Variants in CDH13 observed in about 807,000 individuals in gnomAD.
The protein encoded by CDH13 is cadherin 13.
In CDH13, 24 loss-of-function variants were observed where a neutral mutation model predicts 63.8. The observed-to-expected ratio is 0.38, with a 90% CI of 0.27 to 0.53. The LOEUF (loss-of-function observed/expected upper bound fraction) is 0.53, where lower values mean the gene tolerates loss of function less well. CDH13 is among the 20% of genes least tolerant of loss of function. The pLI is 0.85. For missense variants in CDH13, 1,049 were observed against 903.1 expected (o/e 1.16, Z -2.07); for synonymous variants, 503 against 355.3 (o/e 1.42, Z -4.67).
intron 1 of CDH13, among the ~76,000 whole-genome samples, chr16:82,728,422 A>G (rs183196059): frequency 7.1e-6 from 1 of 140,954 alleles, no homozygotes; most frequent in Non-Finnish European, 1.5e-5. Context: ...TAAAGTGAAT[A>G]TTACAATAAA....
chr16:82,928,288 A>C (rs577381747), intron 2 of CDH13, among the ~76,000 whole-genome samples: 2 of 152,192 alleles, frequency 1.3e-5, no homozygotes, highest in Non-Finnish European at 2.9e-5. Flanking sequence ...ATTGATGGGC[A>C]TCCAGGTTGC....
chr16:83,384,488 G>A (rs2091633298), intron 6 of CDH13, among the ~76,000 whole-genome samples: 1 of 152,236 alleles, frequency 6.6e-6, no homozygotes, highest in African/African-American at 2.4e-5. Flanking sequence ...AATGCAAAGA[G>A]GCTTTCTGCA....
chr16:83,060,448 T>G (rs1360449574), intron 3 of CDH13, among the ~76,000 whole-genome samples: 2 of 152,198 alleles, frequency 1.3e-5, no homozygotes, highest in African/African-American at 4.8e-5. Context: ...CTGTAGAGTC[T>G]TCCTGATGTT....
intron 4 of CDH13, among the ~76,000 whole-genome samples, chr16:83,134,849 C>T (rs758121255): frequency 2.0e-5 from 3 of 152,158 alleles, no homozygotes; most frequent in Non-Finnish European, 4.4e-5. Flanking sequence ...AACTTCCCTC[C>T]ATGATCTACA....
chr16:83,648,181 G>A (rs1244628740), intron 8 of CDH13, among the ~76,000 whole-genome samples: 2 of 152,072 alleles, frequency 1.3e-5, no homozygotes, highest in Non-Finnish European at 2.9e-5. Flanking sequence ...AATAAAACAC[G>A]GATGTTTCAT....
chr16:82,924,837 T>G (rs9319579), intron 2 of CDH13, among the ~76,000 whole-genome samples: 51,385 of 152,042 alleles, frequency 0.34, 10,564 homozygotes, highest in Non-Finnish European at 0.47. Context: ...GGCACAAACT[T>G]TCTCAGATGT....
chr16:83,450,370 C>T (rs1259765997), intron 6 of CDH13, among the ~76,000 whole-genome samples: 1 of 152,170 alleles, frequency 6.6e-6, no homozygotes, highest in Non-Finnish European at 1.5e-5. Context: ...CTCAGTCCCT[C>T]TGAGACTCTG....
chr16:83,102,907 CTTTCTT>C (rs1202884376), intron 3 of CDH13, among the ~76,000 whole-genome samples: 1 of 80,658 alleles, frequency 1.2e-5, no homozygotes, highest in Admixed American at 1.2e-4. Context: ...GCTAATTAAA[CTTTCTT>C]TTTTTTTTTT....
At chr16:83,553,398 C>G (rs913349672) in intron 7 of CDH13, among the ~76,000 whole-genome samples, 4 of 152,176 alleles carry the variant, frequency 2.6e-5, no homozygotes, top group African/African-American at 9.7e-5. Context: ...CTCTTAGTAA[C>G]TAGTGGGTGT....
intron 2 of CDH13, among the ~76,000 whole-genome samples, chr16:83,020,897 A>G (rs1757941228): frequency 2.0e-5 from 3 of 152,238 alleles, no homozygotes; most frequent in South Asian, 4.1e-4. Context: ...ACATGTCCCT[A>G]GACAACCCCA....
At chr16:82,718,120 A>G (rs1211255544) in intron 1 of CDH13, among the ~76,000 whole-genome samples, 1 of 152,182 alleles carries the variant, frequency 6.6e-6, no homozygotes, top group Non-Finnish European at 1.5e-5. Context: ...ACAGGGAAGA[A>G]AGGGCAGCCA....
intron 6 of CDH13, among the ~76,000 whole-genome samples, chr16:83,363,296 C>T (rs2091198622): frequency 6.6e-6 from 1 of 152,108 alleles, no homozygotes; most frequent in South Asian, 2.1e-4. Context: ...TTGGACTTTC[C>T]TTTGTGGCTC....
chr16:83,105,243 T>G (rs2034707413), intron 3 of CDH13, among the ~76,000 whole-genome samples: 1 of 152,210 alleles, frequency 6.6e-6, no homozygotes. Flanking sequence ...TGAGTTTTCC[T>G]AAGAATGAAA....
intron 1 of CDH13, among the ~76,000 whole-genome samples, chr16:82,791,667 T>A (rs2036311984): frequency 6.6e-6 from 1 of 152,158 alleles, no homozygotes; most frequent in Non-Finnish European, 1.5e-5. Context: ...CAGCAGGGTG[T>A]CCACTGTGCT....
intron 7 of CDH13, among the ~76,000 whole-genome samples, chr16:83,539,273 C>T (rs920803236): frequency 1.3e-5 from 2 of 152,092 alleles, no homozygotes; most frequent in African/African-American, 4.8e-5. Flanking sequence ...CAACCTAGAT[C>T]CCTCACACGT....
chr16:82,759,813 G>A (rs1198761675), intron 1 of CDH13, among the ~76,000 whole-genome samples: 2 of 151,932 alleles, frequency 1.3e-5, no homozygotes, highest in African/African-American at 2.4e-5. Context: ...TGCTTATTGA[G>A]TAATTCTCCC....
At chr16:83,388,402 G>A (rs371326716) in intron 6 of CDH13, among the ~76,000 whole-genome samples, 6 of 152,022 alleles carry the variant, frequency 3.9e-5, no homozygotes, top group Admixed American at 1.3e-4. Flanking sequence ...ACTTTGAGTC[G>A]TGATTGTACC....
At chr16:82,696,325 T>C (rs183343489) in intron 1 of CDH13, among the ~76,000 whole-genome samples, 7 of 152,232 alleles carry the variant, frequency 4.6e-5, no homozygotes, top group African/African-American at 1.7e-4. Context: ...AATGAAAGAT[T>C]ACTTTCTAAC....
chr16:83,499,316 C>T (rs537575650), intron 7 of CDH13, among the ~76,000 whole-genome samples: 1 of 152,288 alleles, frequency 6.6e-6, no homozygotes, highest in South Asian at 2.1e-4. Context: ...CATCTTGGTC[C>T]AAGGTACAAA....
Sources: allele counts gnomAD v4.1 joint callset (sites outside exome capture counted in the v4.1 genomes callset), GRCh38; gene constraint gnomAD v4.1.1; transcripts MANE v1.5; gene names NCBI Gene and HGNC (gene_info 2026-07-23, HGNC 2026-07-21).